The following SGTA variants were observed in gnomAD, a reference collection of about 807,000 sequenced individuals.
SGTA encodes the protein small glutamine-rich tetratricopeptide repeat-containing protein alpha.
In SGTA, 22 loss-of-function variants were observed where a neutral mutation model predicts 44.3. The ratio of observed to expected loss-of-function variants is 0.50; its 90% CI spans 0.36 to 0.71. SGTA has a LOEUF of 0.71. Ranked by LOEUF, SGTA falls within the 30% of genes least tolerant of loss-of-function variation. The pLI, the probability that SGTA is intolerant of heterozygous loss-of-function variation, is 0.00. For synonymous variants in SGTA, 174 were observed against 177.6 expected (o/e 0.98, Z 0.16); for missense variants, 341 against 435.9 (o/e 0.78, Z 1.94).
At chr19:2,771,635 C>A (rs1023691164) in intron 1 of SGTA, among the ~76,000 whole-genome samples, 2 of 151,490 alleles carry the variant, frequency 1.3e-5, no homozygotes, top group Non-Finnish European at 2.9e-5. Flanking sequence ...CACCCCCACA[C>A]AGGCAGGTAC....
At position 2,767,656 on chromosome 19, in the gene SGTA, C is replaced by G. The variant is rs1383922000; in HGVS notation, c.131G>C (p.Gly44Ala). The G allele has an allele frequency of 1.2e-6, 2 of 1,613,808 alleles. No individual in the cohort carries two copies. Among genetic ancestry groups the G allele is most frequent in the Admixed American group, 1.7e-5 (1 of 60,026 alleles). ...AAGGTCACTGTCTTCTACCGTCACCCCAAACGCAGTCTCCAGGCACTGGAT... is the reference window on the plus strand; with the variant it reads ...AAGGTCACTGTCTTCTACCGTCACCGCAAACGCAGTCTCCAGGCACTGGAT... ...VAIQCLETAFGVTVEDSDLAL... is the reference protein window; with the variant it reads ...VAIQCLETAFAVTVEDSDLAL... The change falls in exon 3 of 12, where the codon GGG becomes GCG. Residue 44 changes from glycine to alanine, a missense_variant. Transcript: ENST00000221566. This position sits in a 1 kb window ranked among gnomAD's most constrained non-coding sequence, Gnocchi z 7.3.
chr19:2,781,345 G>C (rs1915570187), intron 1 of SGTA, among the ~76,000 whole-genome samples: 1 of 152,168 alleles, frequency 6.6e-6, no homozygotes, highest in Admixed American at 6.5e-5. Context: ...GCTTATTTTA[G>C]GGGTCAGCAA....
rs1163313559 is a variant in SGTA, at chr19:2,761,683, C to T, written c.637-161G>A. Among the ~76,000 whole-genome samples, 1 of 152,018 alleles carries T rather than the reference C, an allele frequency of 6.6e-6. No individual in the cohort carries two copies. Among genetic ancestry groups the T allele is most frequent in the Non-Finnish European group, 1.5e-5 (1 of 68,014 alleles). On this transcript the variant is annotated intron_variant, in intron 7 of 11. Coordinates refer to ENST00000221566, the MANE Select transcript of SGTA (RefSeq NM_003021.4). The surrounding 1 kb of genome is among the most constrained non-coding windows in gnomAD (Gnocchi z 5.7). ...GCAGGCAGCACGAAGCACATCGCAACCGCCCGGGGACGGCACAGTCTGTCA... is the reference window on the plus strand; with the variant it reads ...GCAGGCAGCACGAAGCACATCGCAATCGCCCGGGGACGGCACAGTCTGTCA...
intron 1 of SGTA, among the ~76,000 whole-genome samples, chr19:2,779,824 G>A (rs1915530602): frequency 6.6e-6 from 1 of 152,174 alleles, no homozygotes; most frequent in South Asian, 2.1e-4. Context: ...TGTAATCCCA[G>A]CACTTTGGGA....
chr19:2,766,909 G>A (rs1006200176), intron 4 of SGTA, among the ~76,000 whole-genome samples: 7 of 151,860 alleles, frequency 4.6e-5, no homozygotes, highest in African/African-American at 1.2e-4. Flanking sequence ...GGCCGCTCCC[G>A]ACAACCCCAC....
rs1015190613 is a variant in SGTA, at chr19:2,755,703, G to A, written c.*237C>T. ...GGGGGCTGGAAGGGAGGTCGCTGCT[G>A]GTCTGTGCTCAGCTTGCTGGCTCTC... On this transcript the variant is annotated 3_prime_UTR_variant, in exon 12 of 12. Transcript: ENST00000221566. This position sits in a 1 kb window ranked among gnomAD's most constrained non-coding sequence, Gnocchi z 5.2. 5.1e-6 allele frequency: 5 copies of A among 985,444 alleles called. No individual in the cohort carries two copies. The Admixed American group carries it at 2.5e-4, about 48-fold the overall frequency. 61.0% of individuals were successfully genotyped at this position (985,444 alleles called of 1,614,324 possible).
intron 1 of SGTA, among the ~76,000 whole-genome samples, chr19:2,781,516 G>A (rs969865922): frequency 6.6e-6 from 1 of 152,124 alleles, no homozygotes; most frequent in African/African-American, 2.4e-5. Context: ...ACAAAAACAG[G>A]CCAGAGGTGG....
chr19:2,763,779 A>C lies in SGTA; in HGVS notation c.393-22T>G. 2 of 1,605,380 alleles carry C rather than the reference A, an allele frequency of 1.2e-6. No individual in the cohort carries two copies. The highest frequency in any genetic ancestry group is 2.7e-5 in the African/African-American group (2 of 74,862). On this transcript the variant is annotated intron_variant, in intron 5 of 11. Transcript: ENST00000221566. This position sits in a 1 kb window ranked among gnomAD's most constrained non-coding sequence, Gnocchi z 5.8. ...GGCTCTGGGGAAGAAAAGGCAGGGCAGGTCCCTCACTGGCGGCTCTGAGCC... is the reference window on the plus strand; with the variant it reads ...GGCTCTGGGGAAGAAAAGGCAGGGCCGGTCCCTCACTGGCGGCTCTGAGCC...
At chr19:2,770,670 TG>T in intron 1 of SGTA, 1 of 152,392 alleles carries the variant, frequency 6.6e-6, no homozygotes, top group East Asian at 1.9e-4. Context: ...TGGAAACAAG[TG>T]GAGATGAGGT....
chr19:2,770,160 C>T (rs76654974), intron 1 of SGTA: 3,661 of 174,058 alleles, frequency 0.021, 141 homozygotes, highest in African/African-American at 0.082. Flanking sequence ...CTGGTCCCCC[C>T]TCGGATACCC....
intron 1 of SGTA, among the ~76,000 whole-genome samples, chr19:2,771,559 G>A (rs1336978427): frequency 2.1e-5 from 3 of 144,066 alleles, no homozygotes; most frequent in East Asian, 2.1e-4. Flanking sequence ...CATGGATGGC[G>A]ACAGCACCTC....
In SGTA at chr19:2,767,092, C is replaced by A. The variant is rs540061685; in HGVS notation, c.292+44G>T. 5 of 1,446,970 alleles carry A rather than the reference C, an allele frequency of 3.5e-6. No individual in the cohort carries two copies. Among genetic ancestry groups the A allele is most frequent in the South Asian group, 2.4e-5 (2 of 83,870 alleles). The allele number at this position is 1,446,970 out of a possible 1,614,324, so 89.6% of individuals were successfully genotyped here. ...TGCGAGGGTCCCACAGCCCCGGAGT[C>A]CAGGTAGGGCGAGGTGTCTGTGGGG... On this transcript the variant is annotated intron_variant, in intron 4 of 11. Transcript: ENST00000221566. The surrounding 1 kb of genome is among the most constrained non-coding windows in gnomAD (Gnocchi z 7.3).
At chr19:2,776,468 T>C (rs900575102) in intron 1 of SGTA, among the ~76,000 whole-genome samples, 1 of 152,008 alleles carries the variant, frequency 6.6e-6, no homozygotes, top group African/African-American at 2.4e-5. Context: ...CCTGTGTGAC[T>C]CCCCTCCTAG....
At chr19:2,775,670 C>T (rs759067) in intron 1 of SGTA, among the ~76,000 whole-genome samples, 41,855 of 151,980 alleles carry the variant, frequency 0.28, 6,307 homozygotes, top group East Asian at 0.66. Flanking sequence ...GCGTGGGTGC[C>T]GGGGCTTGGG....
At chr19:2,756,858 C>G (rs181286951) in intron 11 of SGTA, among the ~76,000 whole-genome samples, 1 of 152,220 alleles carries the variant, frequency 6.6e-6, no homozygotes, top group African/African-American at 2.4e-5. Context: ...GAGAAAAGGA[C>G]AAAAAATCCC....
Position 2,765,334 on chromosome 19 carries a change from G to C in SGTA, c.293-49C>G, listed in dbSNP as rs756918988. 70 of 1,373,504 alleles carry C rather than the reference G, an allele frequency of 5.1e-5. 2 individuals carry two copies. The South Asian group carries it at 6.9e-4, about 14-fold the overall frequency. 85.1% of individuals were successfully genotyped at this position (1,373,504 alleles called of 1,614,324 possible). ...GGCCCGGTGTCCACACAGACCGGAGGGGGTGTCAGGGAGAGAGGAAAACAC... is the reference window on the plus strand; with the variant it reads ...GGCCCGGTGTCCACACAGACCGGAGCGGGTGTCAGGGAGAGAGGAAAACAC... On this transcript the variant is annotated intron_variant, in intron 4 of 11. Coordinates refer to ENST00000221566, the MANE Select transcript of SGTA (RefSeq NM_003021.4). The surrounding 1 kb of genome is among the most constrained non-coding windows in gnomAD (Gnocchi z 5.5).
intron 1 of SGTA, among the ~76,000 whole-genome samples, chr19:2,774,285 C>T (rs972908228): frequency 1.3e-5 from 2 of 152,102 alleles, no homozygotes; most frequent in Admixed American, 6.5e-5. Context: ...GACGCGTGGT[C>T]GCATGCCCAG....
chr19:2,772,081 G>A (rs1915325202), intron 1 of SGTA, among the ~76,000 whole-genome samples: 1 of 152,244 alleles, frequency 6.6e-6, no homozygotes. Flanking sequence ...CGTGCATAGT[G>A]GACCTTATTC....
intron 5 of SGTA, among the ~76,000 whole-genome samples, chr19:2,764,535 C>G (rs1915085123): frequency 6.6e-6 from 1 of 151,726 alleles, no homozygotes; most frequent in African/African-American, 2.4e-5. Context: ...GTAGCTGGGA[C>G]TACAGGCACC....
Sources: gnomAD v4.1 joint callset for allele counts (sites outside exome capture counted in the v4.1 genomes callset) on GRCh38, gnomAD v4.1.1 for gene constraint, Gnocchi (gnomAD v3.1) non-coding constraint, MANE v1.5 for transcripts, NCBI Gene and HGNC (gene_info 2026-07-23, HGNC 2026-07-21) for gene names.